The following PCBP3 variants were observed in gnomAD, a reference collection of about 807,000 sequenced individuals.
PCBP3 encodes the protein poly(rC)-binding protein 3.
A neutral mutation model predicts 52.7 loss-of-function variants in PCBP3; 25 were observed. That is an observed-to-expected ratio of 0.47 (90% CI 0.35 to 0.66). The LOEUF (loss-of-function observed/expected upper bound fraction) is 0.66. PCBP3 is among the 30% of genes least tolerant of loss of function. The pLI is 0.01. For synonymous variants in PCBP3, 162 were observed against 183.0 expected (o/e 0.89, Z 0.93); for missense variants, 391 against 490.3 (o/e 0.80, Z 1.91).
At chr21:45,907,882 T>G (rs559090646) in intron 9 of PCBP3, among the ~76,000 whole-genome samples, 1 of 147,950 alleles carries the variant, frequency 6.8e-6, no homozygotes, top group African/African-American at 2.6e-5. Flanking sequence ...GCAGGGGCAG[T>G]GGGAGGAAAA....
chr21:45,861,689 G>A (rs2094516774), intron 5 of PCBP3, among the ~76,000 whole-genome samples: 1 of 152,352 alleles, frequency 6.6e-6, no homozygotes, highest in African/African-American at 2.4e-5. Flanking sequence ...AGCCTGCCCA[G>A]TGGAGAGGAA....
At chr21:45,742,716 T>G (rs1365483542) in intron 3 of PCBP3, among the ~76,000 whole-genome samples, 1 of 152,240 alleles carries the variant, frequency 6.6e-6, no homozygotes, top group Non-Finnish European at 1.5e-5. Context: ...TGATTCATGC[T>G]GCAACTTTTT....
At chr21:45,765,838 G>A (rs1482114356) in intron 4 of PCBP3, among the ~76,000 whole-genome samples, 1 of 152,236 alleles carries the variant, frequency 6.6e-6, no homozygotes, top group Non-Finnish European at 1.5e-5. Flanking sequence ...CACTGGCGAT[G>A]TGCTTCCTTC....
Position 45,669,125 on chromosome 21 carries a change from CTTTT to C in PCBP3, c.-200+174_-200+177del, listed in dbSNP as rs2080988043. On this transcript the variant is annotated intron_variant, in intron 2 of 17. Transcript: ENST00000681687. ...TTCAGCTATTGCTTCTGCATCATCT[CTTTT>C]CTTTCTTTCTGGGACTCTGATTAAA... 2.0e-5 allele frequency: 3 copies of C among 152,162 alleles called. No individual in the cohort carries two copies. In the South Asian group the frequency reaches 6.2e-4, roughly 32 times the overall value. The allele number at this position is 152,162 out of a possible 1,614,324, so 9.4% of individuals were successfully genotyped here.
chr21:45,900,754 G>T, intron 8 of PCBP3, 131 bp downstream of exon 8: 1 of 768,940 alleles, frequency 1.3e-6, no homozygotes, highest in East Asian at 2.5e-5. Flanking sequence ...GCAGTGCGGG[G>T]CCTCTTTTCC....
At chr21:45,873,674 C>T (rs910842577) in intron 5 of PCBP3, among the ~76,000 whole-genome samples, 3 of 152,226 alleles carry the variant, frequency 2.0e-5, no homozygotes, top group Admixed American at 6.5e-5. Flanking sequence ...GGGGACCACG[C>T]GCTGGGTACT....
At chr21:45,746,058 G>A (rs1260170194) in intron 3 of PCBP3, among the ~76,000 whole-genome samples, 3 of 142,020 alleles carry the variant, frequency 2.1e-5, no homozygotes, top group African/African-American at 5.3e-5. Flanking sequence ...CAGCATCGCC[G>A]TGTCAGTCCA....
At chr21:45,826,769 A>C (rs1374513707) in intron 4 of PCBP3, among the ~76,000 whole-genome samples, 1 of 152,202 alleles carries the variant, frequency 6.6e-6, no homozygotes, top group African/African-American at 2.4e-5. Flanking sequence ...ACAGGCAAAA[A>C]GCAAACAAGA....
intron 4 of PCBP3, among the ~76,000 whole-genome samples, chr21:45,796,817 TTGTA>T (rs2091942852): frequency 6.6e-6 from 1 of 152,364 alleles, no homozygotes; most frequent in South Asian, 2.1e-4. Flanking sequence ...TTAAAAAACT[TTGTA>T]TGGGGTTTGA....
chr21:45,787,634 C>G (rs955878081), intron 4 of PCBP3, among the ~76,000 whole-genome samples: 1 of 152,158 alleles, frequency 6.6e-6, no homozygotes, highest in Non-Finnish European at 1.5e-5. Context: ...GCGAGTCCCC[C>G]TGCTTGGGCC....
intron 4 of PCBP3, among the ~76,000 whole-genome samples, chr21:45,831,584 T>C (rs1205754501): frequency 6.6e-6 from 1 of 152,162 alleles, no homozygotes; most frequent in African/African-American, 2.4e-5. Flanking sequence ...CTGTATTCCA[T>C]ACACTGGAAA....
At chr21:45,725,576 C>T (rs1011862838) in intron 2 of PCBP3, among the ~76,000 whole-genome samples, 5 of 152,212 alleles carry the variant, frequency 3.3e-5, no homozygotes, top group African/African-American at 1.2e-4. Context: ...CCACAGTGCT[C>T]TTCCCGGTCT....
intron 5 of PCBP3, among the ~76,000 whole-genome samples, chr21:45,887,185 C>G (rs1009241632): frequency 2.0e-5 from 3 of 152,240 alleles, no homozygotes; most frequent in African/African-American, 7.2e-5. Flanking sequence ...GTGCCCTGGT[C>G]CCTGGCTAGT....
chr21:45,809,961 G>A (rs1028311585), intron 4 of PCBP3, among the ~76,000 whole-genome samples: 1 of 152,202 alleles, frequency 6.6e-6, no homozygotes, highest in Non-Finnish European at 1.5e-5. Context: ...TTTCTAACTA[G>A]TTGACTCTGA....
intron 2 of PCBP3, among the ~76,000 whole-genome samples, chr21:45,686,161 G>A (rs1028304122): frequency 1.3e-5 from 2 of 151,908 alleles, no homozygotes; most frequent in South Asian, 4.1e-4. Flanking sequence ...CAAGTGATTC[G>A]CCTGCCTTGG....
At chr21:45,929,056 T>G (rs1569506322) in intron 13 of PCBP3, among the ~76,000 whole-genome samples, 1 of 152,178 alleles carries the variant, frequency 6.6e-6, no homozygotes, top group East Asian at 1.9e-4. Context: ...GTGGAAGAAT[T>G]ATGAGCCTCA....
At chr21:45,841,030 T>C (rs2093688960) in intron 4 of PCBP3, among the ~76,000 whole-genome samples, 1 of 152,230 alleles carries the variant, frequency 6.6e-6, no homozygotes, top group South Asian at 2.1e-4. Context: ...AGTACAGTCA[T>C]GTGTTGTGTA....
In PCBP3 at chr21:45,853,156, G is replaced by C. The variant is rs567020962; in HGVS notation, c.10+3061G>C. Among the ~76,000 whole-genome samples, 107 of 152,324 alleles carry C rather than the reference G, an allele frequency of 7.0e-4. No homozygotes were observed. Among genetic ancestry groups the C allele is most frequent in the African/African-American group, 2.5e-3 (103 of 41,568 alleles). On this transcript the variant is annotated intron_variant, in intron 5 of 17. Coordinates refer to ENST00000681687, the MANE Select transcript of PCBP3 (RefSeq NM_001384156.1). The surrounding 1 kb of genome is among the most constrained non-coding windows in gnomAD (Gnocchi z 4.6). ...GGAGCCTGCTGTGACCTGGCATGCT[G>C]TCCTGCATCTCTGTGGTGACAAAAT...
At chr21:45,675,677 T>C (rs2081420840) in intron 2 of PCBP3, among the ~76,000 whole-genome samples, 1 of 152,188 alleles carries the variant, frequency 6.6e-6, no homozygotes, top group African/African-American at 2.4e-5. Flanking sequence ...TAAAATCTCC[T>C]GTGATTTGTG....
Sources: gnomAD v4.1 joint callset for allele counts (sites outside exome capture counted in the v4.1 genomes callset) on GRCh38, gnomAD v4.1.1 for gene constraint, Gnocchi (gnomAD v3.1) non-coding constraint, MANE v1.5 for transcripts, NCBI Gene and HGNC (gene_info 2026-07-23, HGNC 2026-07-21) for gene names.